Variants in ENOX1 observed in about 807,000 individuals in gnomAD.
ENOX1 encodes the protein candidate growth-related and time keeping constitutive hydroquinone (NADH) oxidase.
Under a neutral mutation model 82.5 loss-of-function variants are expected in ENOX1, and 42 were observed. The ratio of observed to expected loss-of-function variants is 0.51; its 90% CI spans 0.40 to 0.66. The LOEUF (loss-of-function observed/expected upper bound fraction) is 0.66, where lower values mean the gene tolerates loss of function less well. Ranked by LOEUF, ENOX1 falls within the 30% of genes least tolerant of loss-of-function variation. The pLI is 0.00. For synonymous variants in ENOX1, 271 were observed against 282.2 expected (o/e 0.96, Z 0.40); for missense variants, 608 against 811.6 (o/e 0.75, Z 3.05).
chr13:43,741,109 G>C (rs866106440), intron 1 of ENOX1, among the ~76,000 whole-genome samples: 3 of 142,386 alleles, frequency 2.1e-5, no homozygotes, highest in Non-Finnish European at 4.5e-5. Flanking sequence ...TTTTGAGACA[G>C]AGTCTTGCTT....
At chr13:43,398,004 A>T (rs1466405235) in intron 5 of ENOX1, among the ~76,000 whole-genome samples, 1 of 152,188 alleles carries the variant, frequency 6.6e-6, no homozygotes, top group Admixed American at 6.5e-5. Flanking sequence ...TGGTGGAAGC[A>T]GTGAGGGGGC....
At position 43,626,743 on chromosome 13, in the gene ENOX1, G is replaced by GA. The variant is rs971877349; in HGVS notation, c.-219+40735dup. The stretch of plus-strand genomic sequence containing the variant: ...TTTGGGATATAGTCCACAGGCATTT[G>GA]AAAAAATATATATATTCTGCTGTTA... On this transcript the variant is annotated intron_variant, in intron 2 of 16. Transcript: ENST00000690772. Among the ~76,000 whole-genome samples, 79 of 151,764 alleles carry GA rather than the reference G, an allele frequency of 5.2e-4. 1 individual carries two copies. The highest frequency in any genetic ancestry group is 1.8e-3 in the African/African-American group (75 of 41,488).
chr13:43,486,540 A>G (rs1162062624), intron 2 of ENOX1, among the ~76,000 whole-genome samples: 2 of 152,202 alleles, frequency 1.3e-5, no homozygotes, highest in African/African-American at 2.4e-5. Context: ...GAGCCAAACA[A>G]TAAGTTGGAA....
intron 1 of ENOX1, among the ~76,000 whole-genome samples, chr13:43,726,275 G>A (rs1322927869): frequency 6.8e-6 from 1 of 148,074 alleles, no homozygotes; most frequent in Non-Finnish European, 1.5e-5. Flanking sequence ...AGTGTGCAGT[G>A]GTGTGATCTT....
Position 43,224,125 on chromosome 13 carries a change from CGTT to C in ENOX1, c.1725_1727del (p.Thr576del). 1 of 1,613,594 alleles carries C rather than the reference CGTT, an allele frequency of 6.2e-7. No homozygotes were observed. The highest frequency in any genetic ancestry group is 8.5e-7 in the Non-Finnish European group (1 of 1,179,586). ...CTCCAAAAGGATGGACGTGAAGAAACGTTGATATGATACCTGAATTAAAAAGGC... is the reference window on the plus strand; with the variant it reads ...CTCCAAAAGGATGGACGTGAAGAAACGATATGATACCTGAATTAAAAAGGC... On this transcript the variant is annotated inframe_deletion, in exon 16 of 17. Coordinates refer to ENST00000690772, the MANE Select transcript of ENOX1 (RefSeq NM_001347969.2).
intron 9 of ENOX1, among the ~76,000 whole-genome samples, chr13:43,337,644 T>TA (rs2048789823): frequency 6.6e-6 from 1 of 152,192 alleles, no homozygotes. Flanking sequence ...TTTAGCCAGA[T>TA]AGCAGCATTT....
intron 9 of ENOX1, among the ~76,000 whole-genome samples, chr13:43,342,551 C>T (rs1222314049): frequency 2.6e-5 from 4 of 152,112 alleles, no homozygotes; most frequent in East Asian, 1.9e-4. Flanking sequence ...GCTGGTCCTG[C>T]CCCACCCCTT....
At chr13:43,486,752 A>G (rs965460735) in intron 2 of ENOX1, among the ~76,000 whole-genome samples, 1 of 152,184 alleles carries the variant, frequency 6.6e-6, no homozygotes, top group South Asian at 2.1e-4. Context: ...AAGGTACTAA[A>G]ACTGTATAAC....
chr13:43,683,864 T>G (rs1372409240), intron 1 of ENOX1, among the ~76,000 whole-genome samples: 1 of 152,050 alleles, frequency 6.6e-6, no homozygotes, highest in African/African-American at 2.4e-5. Flanking sequence ...CATGGTTCTG[T>G]GTCAGCCACT....
rs2047861854 is a variant in ENOX1, at chr13:43,322,398, C to G, written c.1247G>C (p.Arg416Thr). The G allele has an allele frequency of 1.2e-6, 2 of 1,613,666 alleles. No homozygotes were observed. Among genetic ancestry groups the G allele is most frequent in the South Asian group, 2.2e-5 (2 of 91,018 alleles). ...ATCGGCATTACCTGATTCATCGACTCTCATTTTCTTTGTAGGGCTGTCACA... is the reference window on the plus strand; with the variant it reads ...ATCGGCATTACCTGATTCATCGACTGTCATTTTCTTTGTAGGGCTGTCACA... ...ENCDSPTKKM[R>T]VDESALAAQA... The change falls in exon 11 of 17, where the codon AGA becomes ACA. Residue 416 changes from arginine (R) to threonine (T), a missense_variant. By Grantham distance (71) the Arg-to-Thr change is moderately conservative. Coordinates refer to ENST00000690772, the MANE Select transcript of ENOX1 (RefSeq NM_001347969.2).
Position 43,470,201 on chromosome 13 carries a change from T to A in ENOX1, c.-75+13808A>T, listed in dbSNP as rs2057928890. 1.4e-5 allele frequency among the ~76,000 whole-genome samples: 2 copies of A among 141,444 alleles called. 1 individual carries two copies. The highest frequency in any genetic ancestry group is 3.0e-5 in the Non-Finnish European group (2 of 66,112). The allele number at this position is 141,444 out of a possible 152,430, so 92.8% of individuals were successfully genotyped here. On this transcript the variant is annotated intron_variant, in intron 3 of 16. Transcript: ENST00000690772. ...AACTATATGTGTGTGTGTATATATA[T>A]ATGTGTATATATATATGTGTGTGTA...
intron 2 of ENOX1, chr13:43,547,906 C>G (rs2079037749): frequency 2.0e-5 from 3 of 152,252 alleles, no homozygotes; most frequent in Admixed American, 2.0e-4. Context: ...AAGACAGATG[C>G]AAGCCCTAAC....
intron 2 of ENOX1, among the ~76,000 whole-genome samples, chr13:43,599,778 T>G (rs952268511): frequency 1.3e-5 from 2 of 150,648 alleles, no homozygotes; most frequent in Admixed American, 1.3e-4. Context: ...TTACTTCTGC[T>G]TGAGATGAGA....
At chr13:43,456,878 G>A (rs1005083897) in intron 3 of ENOX1, among the ~76,000 whole-genome samples, 13 of 152,028 alleles carry the variant, frequency 8.6e-5, no homozygotes, top group African/African-American at 1.9e-4. Context: ...ACAGCATCCC[G>A]TGCATGAATC....
At chr13:43,511,120 T>C (rs1457884440) in intron 2 of ENOX1, among the ~76,000 whole-genome samples, 1 of 152,170 alleles carries the variant, frequency 6.6e-6, no homozygotes, top group Admixed American at 6.6e-5. Context: ...CAGTAAGTTA[T>C]GTGTTTTGGA....
Position 43,578,242 on chromosome 13 carries a change from A to G in ENOX1, c.-219+89237T>C, listed in dbSNP as rs937649174. 6.6e-5 allele frequency among the ~76,000 whole-genome samples: 10 copies of G among 152,320 alleles called. No individual in the cohort carries two copies. In the East Asian group the frequency reaches 1.7e-3, roughly 26 times the overall value. ...GATATACATGACAGTGGATAGGGCC[A>G]CTTGGCTTCTCCTGTGGCTGAGAAA... On this transcript the variant is annotated intron_variant, in intron 2 of 16. Transcript: ENST00000690772.
At chr13:43,500,838 TTG>T (rs772533202) in intron 2 of ENOX1, among the ~76,000 whole-genome samples, 68 of 152,068 alleles carry the variant, frequency 4.5e-4, no homozygotes, top group Admixed American at 1.3e-3. Context: ...AACATAGTTT[TTG>T]TGTGTTATTG....
intron 2 of ENOX1, among the ~76,000 whole-genome samples, chr13:43,516,226 G>A (rs1167695143): frequency 6.6e-6 from 1 of 152,136 alleles, no homozygotes; most frequent in Non-Finnish European, 1.5e-5. Flanking sequence ...TGTCTTGACA[G>A]AAAGCCTAAA....
chr13:43,389,283 C>T (rs1279256580), intron 5 of ENOX1, among the ~76,000 whole-genome samples: 6 of 152,096 alleles, frequency 3.9e-5, no homozygotes, highest in African/African-American at 1.4e-4. Context: ...GTTATTGATA[C>T]TATTGAAAAA....
Sources: gnomAD v4.1 joint callset for allele counts (sites outside exome capture counted in the v4.1 genomes callset) on GRCh38, gnomAD v4.1.1 for gene constraint, MANE v1.5 for transcripts, NCBI Gene and HGNC (gene_info 2026-07-23, HGNC 2026-07-21) for gene names.